Variants in TCEA3 observed in about 807,000 individuals in gnomAD.
The protein encoded by TCEA3 is transcription elongation factor A protein 3.
TCEA3 carries 36 observed loss-of-function variants against 44.0 expected under a neutral mutation model. That is an observed-to-expected ratio of 0.82 (90% CI 0.63 to 1.08). The LOEUF is 1.08. Among genes scored for constraint, TCEA3 ranks in the 50% least tolerant of loss-of-function variants. The probability of loss-of-function intolerance (pLI) is 0.00; values close to 1 mark genes in which losing one functional copy is unlikely to be tolerated. For synonymous variants in TCEA3, 162 were observed against 159.7 expected, an observed-to-expected ratio of 1.01 and a Z score of -0.11; for missense variants, 392 against 441.2, an observed-to-expected ratio of 0.89 and a Z score of 1.00.
intron 8 of TCEA3, among the ~76,000 whole-genome samples, chr1:23,389,656 C>T (rs1393762962): frequency 6.6e-6 from 1 of 152,030 alleles, no homozygotes; most frequent in African/African-American, 2.4e-5. Flanking sequence ...TCTCAAAAAA[C>T]AAAAACAAAA....
intron 8 of TCEA3, among the ~76,000 whole-genome samples, chr1:23,391,272 C>T (rs554297393): frequency 6.6e-6 from 1 of 151,296 alleles, no homozygotes; most frequent in South Asian, 2.1e-4. Context: ...GCCACCACGC[C>T]CGGCTAATTT....
rs904923773 is a variant in TCEA3 at position 23,424,470 on chromosome 1, C to G, written c.69+95G>C. The G allele has an allele frequency of 3.4e-6, 4 of 1,170,852 alleles. No homozygotes were observed. In the Admixed American group the frequency reaches 5.8e-5, roughly 17 times the overall value. The allele number at this position is 1,170,852 out of a possible 1,614,324, so 72.5% of individuals were successfully genotyped here. On this transcript the variant is annotated intron_variant, in intron 1 of 10. Transcript: ENST00000450454. ...GGGTCCCCGAGTCCCGTACGCGCCC[C>G]CATGGCGCCCCGCCAGTACGTCCCC...
chr1:23,387,297 CT>C lies in TCEA3; in HGVS notation c.941del (p.Lys314ArgfsTer19). 2.5e-6 allele frequency: 4 copies of C among 1,614,000 alleles called. No individual in the cohort carries two copies. Among genetic ancestry groups the C allele is most frequent in the Non-Finnish European group, 3.4e-6 (4 of 1,179,888 alleles). Reference sequence around the variant, plus strand: ...CCTGGTTATAGGTGCAGTTCTTCTTCTTGCATTTGCTGCACTGGAAGAGGTC... The same window carrying C: ...CCTGGTTATAGGTGCAGTTCTTCTTCTGCATTTGCTGCACTGGAAGAGGTC... The part of the protein sequence containing the change: ...TTDLFQCSKC[K>X]KKNCTYNQVQ... On this transcript the variant is annotated frameshift_variant, in exon 9 of 11. Transcript: ENST00000450454. LOFTEE classifies it high-confidence loss of function.
chr1:23,393,823 G>A (rs2148554600), intron 8 of TCEA3, 56 bp downstream of exon 8: 1 of 1,585,142 alleles, frequency 6.3e-7, no homozygotes, highest in Non-Finnish European at 8.6e-7. Flanking sequence ...CTCTGCACTA[G>A]GCAGGGCTAG....
At chr1:23,411,737 G>A (rs1410889734) in intron 4 of TCEA3, among the ~76,000 whole-genome samples, 1 of 152,098 alleles carries the variant, frequency 6.6e-6, no homozygotes, top group East Asian at 1.9e-4. Flanking sequence ...CCCCTCCAGA[G>A]CAAGGTTGAA....
chr1:23,423,363 C>G (rs1216970822), intron 1 of TCEA3, among the ~76,000 whole-genome samples: 3 of 152,182 alleles, frequency 2.0e-5, no homozygotes, highest in African/African-American at 7.2e-5. Context: ...AGTGACATCC[C>G]TTCTCCAGAG....
intron 10 of TCEA3, among the ~76,000 whole-genome samples, chr1:23,382,567 G>C (rs780698732): frequency 2.6e-5 from 4 of 152,230 alleles, no homozygotes; most frequent in Non-Finnish European, 4.4e-5. Flanking sequence ...CCCCTGCTCT[G>C]TTTGCTCCGT....
intron 8 of TCEA3, among the ~76,000 whole-genome samples, chr1:23,389,356 G>A (rs1475535148): frequency 6.6e-6 from 1 of 152,086 alleles, no homozygotes; most frequent in East Asian, 1.9e-4. Context: ...GGGTGTGGTG[G>A]CGGGCACCTG....
At chr1:23,404,036 C>A in intron 5 of TCEA3, 1 of 683,398 alleles carries the variant, frequency 1.5e-6, no homozygotes, top group South Asian at 1.5e-5. Flanking sequence ...CGGATGTGCC[C>A]GCACCGCACC....
chr1:23,385,815 A>C (rs563157940), intron 9 of TCEA3, among the ~76,000 whole-genome samples: 4 of 152,326 alleles, frequency 2.6e-5, no homozygotes, highest in African/African-American at 9.6e-5. Flanking sequence ...TCAGAGCTAA[A>C]GCCCTTAGGC....
At chr1:23,419,281 A>G in intron 1 of TCEA3, 142 bp from the exon 2 acceptor site, 1 of 568,908 alleles carries the variant, frequency 1.8e-6, no homozygotes, top group Non-Finnish European at 3.1e-6. Context: ...GGAAGGAGAG[A>G]GACGAGAAAC....
At chr1:23,408,024 C>T (rs548929042) in intron 5 of TCEA3, among the ~76,000 whole-genome samples, 46 of 152,052 alleles carry the variant, frequency 3.0e-4, no homozygotes, top group South Asian at 8.3e-4. Flanking sequence ...TGCAGTGGCG[C>T]GATCTCGGCT....
At chr1:23,385,581 G>A (rs949840293) in intron 9 of TCEA3, among the ~76,000 whole-genome samples, 3 of 152,236 alleles carry the variant, frequency 2.0e-5, no homozygotes, top group African/African-American at 2.4e-5. Flanking sequence ...ACAGAATGCC[G>A]CAGGCAAGGT....
In TCEA3 at chr1:23,408,703, G is replaced by C. The variant is rs1269586181; in HGVS notation, c.404C>G (p.Ser135Cys). 1 of 1,611,178 alleles carries C rather than the reference G, an allele frequency of 6.2e-7. No homozygotes were observed. Among genetic ancestry groups the C allele is most frequent in the East Asian group, 2.2e-5 (1 of 44,850 alleles). Residue 135 changes from serine to cysteine, a missense_variant, in exon 5 of 11, where the codon TCT (serine) becomes TGT (cysteine). Physicochemically the swap from Ser to Cys is moderately radical, Grantham distance 112. Coordinates refer to ENST00000450454, the MANE Select transcript of TCEA3 (RefSeq NM_003196.3). Reference sequence around the variant, plus strand: ...TCTTTTTGGAGAGGAGGAGGCAGAAGACTTGGAGTCCACAGAGTCTCTCCT... The same window carrying C: ...TCTTTTTGGAGAGGAGGAGGCAGAACACTTGGAGTCCACAGAGTCTCTCCT... Reference protein sequence around the residue: ...KTRRDSVDSKSSASSSPKRPS... With the variant: ...KTRRDSVDSKCSASSSPKRPS...
At chr1:23,399,144 G>GTATGTATATA (rs1553167291) in intron 5 of TCEA3, among the ~76,000 whole-genome samples, 2 of 61,144 alleles carry the variant, frequency 3.3e-5, no homozygotes, top group East Asian at 4.9e-4. Context: ...ATGTATATAT[G>GTATGTATATA]TATATATATA....
At chr1:23,422,201 T>C (rs990820715) in intron 1 of TCEA3, among the ~76,000 whole-genome samples, 1 of 152,228 alleles carries the variant, frequency 6.6e-6, no homozygotes, top group African/African-American at 2.4e-5. Context: ...GCTGCGTGCA[T>C]ACGTGTGTGG....
chr1:23,414,017 A>T (rs980960469), intron 4 of TCEA3, among the ~76,000 whole-genome samples: 8 of 144,634 alleles, frequency 5.5e-5, no homozygotes, highest in Non-Finnish European at 1.2e-4. Flanking sequence ...TATAAATTTT[A>T]TATGTATATA....
chr1:23,404,126 G>A, intron 5 of TCEA3: 1 of 702,322 alleles, frequency 1.4e-6, no homozygotes, highest in Non-Finnish European at 2.6e-6. Context: ...GCGCCACCTC[G>A]AGGGCATTTC....
At chr1:23,383,818 C>T (rs1638741890) in intron 10 of TCEA3, 1 of 986,408 alleles carries the variant, frequency 1.0e-6, no homozygotes, top group African/African-American at 1.7e-5. Context: ...AAACTTCTGC[C>T]TTTGCAGGAG....
Sources: gnomAD v4.1 joint callset for allele counts (sites outside exome capture counted in the v4.1 genomes callset) on GRCh38, gnomAD v4.1.1 for gene constraint, MANE v1.5 for transcripts, NCBI Gene and HGNC (gene_info 2026-07-23, HGNC 2026-07-21) for gene names.